RALGPS1: variants seen among roughly 807,000 people sequenced by gnomAD.
RALGPS1 encodes the protein ras-specific guanine nucleotide-releasing factor RalGPS1.
A neutral mutation model predicts 78.8 loss-of-function variants in RALGPS1; 19 were observed. The ratio of observed to expected loss-of-function variants is 0.24; its 90% CI spans 0.17 to 0.35. RALGPS1 has a LOEUF of 0.35. Ranked by LOEUF, RALGPS1 falls within the 10% of genes least tolerant of loss-of-function variation. The pLI is 1.00. For missense variants in RALGPS1, 454 were observed against 688.3 expected, an observed-to-expected ratio of 0.66 and a Z score of 3.81; for synonymous variants, 228 against 256.3, an observed-to-expected ratio of 0.89 and a Z score of 1.06.
chr9:127,154,648 G>A (rs1464320362), intron 8 of RALGPS1, among the ~76,000 whole-genome samples: 4 of 152,214 alleles, frequency 2.6e-5, no homozygotes, highest in Non-Finnish European at 5.9e-5. Flanking sequence ...TTAGAATGTT[G>A]TCTTTTGTTA....
At chr9:127,131,985 A>T (rs78659750) in intron 8 of RALGPS1, among the ~76,000 whole-genome samples, 7 of 152,196 alleles carry the variant, frequency 4.6e-5, no homozygotes, top group Admixed American at 4.6e-4. Flanking sequence ...ACAAGTTCAC[A>T]TGAGGCCCTT....
chr9:126,941,425 A>G (rs1353207871), intron 1 of RALGPS1, among the ~76,000 whole-genome samples: 1 of 152,206 alleles, frequency 6.6e-6, no homozygotes, highest in Non-Finnish European at 1.5e-5. Flanking sequence ...CATATACCCC[A>G]TAAATATATG....
At chr9:127,185,101 C>T (rs1270527805) in intron 11 of RALGPS1, among the ~76,000 whole-genome samples, 1 of 152,126 alleles carries the variant, frequency 6.6e-6, no homozygotes, top group Non-Finnish European at 1.5e-5. Flanking sequence ...CCTGACAGTA[C>T]CAGGGATACC....
chr9:127,134,885 C>A (rs985413980), intron 8 of RALGPS1, among the ~76,000 whole-genome samples: 1 of 152,196 alleles, frequency 6.6e-6, no homozygotes, highest in South Asian at 2.1e-4. Context: ...CCCTGCCCAA[C>A]ACCCATGCTC....
chr9:126,970,030 GA>G (rs900576762), intron 3 of RALGPS1, among the ~76,000 whole-genome samples: 14 of 152,206 alleles, frequency 9.2e-5, no homozygotes, highest in African/African-American at 3.4e-4. Flanking sequence ...TCTAGTGAAA[GA>G]AAAAACCCAG....
chr9:127,039,067 G>A (rs2047082689), intron 5 of RALGPS1, among the ~76,000 whole-genome samples: 1 of 152,132 alleles, frequency 6.6e-6, no homozygotes, highest in Non-Finnish European at 1.5e-5. Context: ...TTTGAGTCCG[G>A]AAGTTGGGGA....
chr9:126,927,727 T>C (rs1207777866), intron 1 of RALGPS1, among the ~76,000 whole-genome samples: 1 of 152,172 alleles, frequency 6.6e-6, no homozygotes, highest in Non-Finnish European at 1.5e-5. Context: ...CTCTATCCGC[T>C]GAAGCCAGAA....
At chr9:126,951,067 G>A (rs1394095975) in intron 1 of RALGPS1, among the ~76,000 whole-genome samples, 1 of 152,170 alleles carries the variant, frequency 6.6e-6, no homozygotes, top group Non-Finnish European at 1.5e-5. Flanking sequence ...AGAAAATCTG[G>A]AAGAAATGGA....
At chr9:127,140,808 G>A (rs7021583) in intron 8 of RALGPS1, among the ~76,000 whole-genome samples, 6,121 of 152,278 alleles carry the variant, frequency 0.04, 423 homozygotes, top group African/African-American at 0.14. Flanking sequence ...TGGAGTCCAC[G>A]CTGGAAGAGA....
intron 8 of RALGPS1, among the ~76,000 whole-genome samples, chr9:127,142,143 C>A (rs1021108828): frequency 6.6e-6 from 1 of 152,166 alleles, no homozygotes; most frequent in African/African-American, 2.4e-5. Context: ...TCCTGCCCTG[C>A]GGTCTGAGCC....
chr9:127,139,928 AT>A (rs2057653616), intron 8 of RALGPS1, among the ~76,000 whole-genome samples: 1 of 152,210 alleles, frequency 6.6e-6, no homozygotes, highest in Non-Finnish European at 1.5e-5. Flanking sequence ...ACAAATCCCT[AT>A]TCCCGTGCCA....
chr9:127,085,304 A>G (rs1209582597), intron 8 of RALGPS1, among the ~76,000 whole-genome samples: 1 of 152,214 alleles, frequency 6.6e-6, no homozygotes, highest in Non-Finnish European at 1.5e-5. Flanking sequence ...AATGCAGTGC[A>G]ACCACCATGG....
At chr9:127,174,174 G>A (rs1320915209) in intron 10 of RALGPS1, among the ~76,000 whole-genome samples, 1 of 151,156 alleles carries the variant, frequency 6.6e-6, no homozygotes, top group Non-Finnish European at 1.5e-5. Context: ...TGAGGCAGGA[G>A]AATCACTGCA....
intron 14 of RALGPS1, among the ~76,000 whole-genome samples, chr9:127,200,932 C>T (rs1198081745): frequency 3.3e-5 from 5 of 152,246 alleles, no homozygotes; most frequent in African/African-American, 4.8e-5. Context: ...TTCTTTCACT[C>T]GCTTATTCCT....
chr9:127,097,422 A>G (rs1036917703), intron 8 of RALGPS1, among the ~76,000 whole-genome samples: 5 of 152,268 alleles, frequency 3.3e-5, no homozygotes, highest in African/African-American at 1.2e-4. Context: ...ATCAGGCCCC[A>G]TTAGCTTCCA....
intron 1 of RALGPS1, among the ~76,000 whole-genome samples, chr9:126,928,116 A>C (rs1358661649): frequency 6.6e-6 from 1 of 152,216 alleles, no homozygotes. Context: ...CTCAGCTTAC[A>C]GAAGCAGGTG....
intron 8 of RALGPS1, chr9:127,089,227 C>T: frequency 7.2e-7 from 1 of 1,397,866 alleles, no homozygotes. Flanking sequence ...AAAGCCCTCT[C>T]TGGGAGGCAT....
intron 3 of RALGPS1, among the ~76,000 whole-genome samples, chr9:126,966,212 G>T (rs973427234): frequency 6.6e-6 from 1 of 152,126 alleles, no homozygotes; most frequent in East Asian, 1.9e-4. Context: ...TGTGGAGAAC[G>T]TGCAATTTAA....
At chr9:126,933,868 C>T (rs1360901834) in intron 1 of RALGPS1, among the ~76,000 whole-genome samples, 1 of 152,144 alleles carries the variant, frequency 6.6e-6, no homozygotes, top group Non-Finnish European at 1.5e-5. Flanking sequence ...CTTTTTCACA[C>T]AGCAACATGC....
Sources: gnomAD v4.1 joint callset for allele counts (sites outside exome capture counted in the v4.1 genomes callset) on GRCh38, gnomAD v4.1.1 for gene constraint, MANE v1.5 for transcripts, NCBI Gene and HGNC (gene_info 2026-07-23, HGNC 2026-07-21) for gene names.